The following HDAC4 variants were observed in gnomAD, a reference collection of about 807,000 sequenced individuals.
The protein encoded by HDAC4 is histone deacetylase 4.
A neutral mutation model predicts 135.1 loss-of-function variants in HDAC4; 16 were observed. The ratio of observed to expected loss-of-function variants is 0.12; its 90% CI spans 0.08 to 0.18. HDAC4 has a LOEUF of 0.18. Ranked by LOEUF, HDAC4 falls within the 10% of genes least tolerant of loss-of-function variation. HDAC4 has a pLI of 1.00. For synonymous variants in HDAC4, 685 were observed against 653.4 expected (o/e 1.05, Z -0.74); for missense variants, 1,143 against 1,511.8 (o/e 0.76, Z 4.05).
At chr2:239,159,531 C>T (rs1264604356) in intron 6 of HDAC4, among the ~76,000 whole-genome samples, 2 of 151,386 alleles carry the variant, frequency 1.3e-5, no homozygotes, top group African/African-American at 4.9e-5. Flanking sequence ...CCACCCACAC[C>T]CCACCTCCCA....
At chr2:239,270,357 C>T (rs981490629) in intron 2 of HDAC4, among the ~76,000 whole-genome samples, 6 of 152,086 alleles carry the variant, frequency 3.9e-5, no homozygotes, top group African/African-American at 1.2e-4. Context: ...AGCTGCCCCC[C>T]GATGTATTCA....
intron 5 of HDAC4, among the ~76,000 whole-genome samples, chr2:239,173,638 A>G (rs554737565): frequency 4.6e-4 from 70 of 152,324 alleles, no homozygotes; most frequent in African/African-American, 1.6e-3. Context: ...CCACAATTTG[A>G]TACTATATTG....
At chr2:239,071,172 C>T (rs2034162066) in intron 22 of HDAC4, among the ~76,000 whole-genome samples, 1 of 151,992 alleles carries the variant, frequency 6.6e-6, no homozygotes, top group South Asian at 2.1e-4. Context: ...AATCCCAGCA[C>T]TTTGGGAGGC....
chr2:239,396,904 CTCCCT>C lies in HDAC4; in HGVS notation c.-220+4069_-220+4073del, dbSNP rs1696596489. 2.0e-5 allele frequency among the ~76,000 whole-genome samples: 3 copies of C among 152,252 alleles called. No individual in the cohort carries two copies. The South Asian group carries it at 6.2e-4, about 31-fold the overall frequency. ...GGCTGAAGTGGACTTGGAGCATTAG[CTCCCT>C]TCCGTCACCCCCACCTGCCTCCAGG... is the stretch of plus-strand genomic sequence containing the variant. On this transcript the variant is annotated intron_variant, in intron 1 of 26. Transcript: ENST00000543185.
intron 2 of HDAC4, among the ~76,000 whole-genome samples, chr2:239,329,294 G>A (rs991921513): frequency 1.3e-5 from 2 of 152,374 alleles, no homozygotes; most frequent in African/African-American, 4.8e-5. Context: ...TCCATTATCT[G>A]CTAGTAAAAT....
intron 2 of HDAC4, among the ~76,000 whole-genome samples, chr2:239,343,344 C>T (rs1423416273): frequency 1.3e-5 from 2 of 152,234 alleles, no homozygotes; most frequent in African/African-American, 4.8e-5. Flanking sequence ...TGCCAATCAC[C>T]CAGTCACTCC....
chr2:239,290,517 G>A (rs1472698408), intron 2 of HDAC4, among the ~76,000 whole-genome samples: 2 of 152,238 alleles, frequency 1.3e-5, no homozygotes, highest in African/African-American at 2.4e-5. Flanking sequence ...GAGAGAAAGG[G>A]GATTTAGAGT....
intron 1 of HDAC4, among the ~76,000 whole-genome samples, chr2:239,381,707 G>A (rs73104802): frequency 0.081 from 12,344 of 152,150 alleles, 749 homozygotes; most frequent in African/African-American, 0.17. Context: ...TGACATTTGC[G>A]ACGGACAATT....
chr2:239,393,486 T>C (rs950878404), intron 1 of HDAC4, among the ~76,000 whole-genome samples: 6 of 152,120 alleles, frequency 3.9e-5, no homozygotes, highest in African/African-American at 1.2e-4. Flanking sequence ...CATCACTGGC[T>C]CACGCACTCT....
chr2:239,348,401 C>T (rs62182138), intron 2 of HDAC4, among the ~76,000 whole-genome samples: 20,828 of 152,220 alleles, frequency 0.14, 1,868 homozygotes, highest in Non-Finnish European at 0.21. Context: ...ACTGGAGGGA[C>T]GGGGTAGTGT....
intron 11 of HDAC4, among the ~76,000 whole-genome samples, chr2:239,133,063 C>T (rs1210585713): frequency 2.0e-5 from 3 of 152,120 alleles, no homozygotes; most frequent in Non-Finnish European, 4.4e-5. Context: ...GGCAGGGACA[C>T]GAATTCAAGC....
intron 24 of HDAC4, 114 bp downstream of exon 24, chr2:239,066,608 C>T: frequency 1.4e-6 from 2 of 1,387,216 alleles, no homozygotes; most frequent in Non-Finnish European, 2.0e-6. Flanking sequence ...TGCAAGCATC[C>T]ACGTGGTCAG....
intron 22 of HDAC4, among the ~76,000 whole-genome samples, chr2:239,075,328 T>C (rs1221945039): frequency 6.6e-6 from 1 of 151,178 alleles, no homozygotes; most frequent in African/African-American, 2.4e-5. Flanking sequence ...GGAGAGTATT[T>C]CCATGAGGTC....
chr2:239,325,690 C>T (rs573929364), intron 2 of HDAC4, among the ~76,000 whole-genome samples: 46 of 152,276 alleles, frequency 3.0e-4, no homozygotes, highest in African/African-American at 9.9e-4. Flanking sequence ...CAGGGCTGGG[C>T]GTGGTGGCTC....
At chr2:239,162,629 C>T (rs1191654034) in intron 6 of HDAC4, among the ~76,000 whole-genome samples, 1 of 152,168 alleles carries the variant, frequency 6.6e-6, no homozygotes, top group Non-Finnish European at 1.5e-5. Context: ...GTGCTGCCTC[C>T]CATGGACGCC....
rs369177520 is a variant in HDAC4 at position 239,068,350 on chromosome 2, A to C, written c.2869+139T>G. 1.5e-6 allele frequency: 1 copy of C among 671,724 alleles called. No homozygotes were observed. Among genetic ancestry groups the C allele is most frequent in the South Asian group, 1.7e-5 (1 of 57,616 alleles). 41.6% of individuals were successfully genotyped at this position (671,724 alleles called of 1,614,324 possible). ...GGGCCTCCCAAATGGACTGGTTCCC[A>C]GTACGGTCAGAACCTTGGTCATTAG... On this transcript the variant is annotated intron_variant, in intron 23 of 26. Transcript: ENST00000543185. The surrounding 1 kb of genome is among the most constrained non-coding windows in gnomAD (Gnocchi z 4.4).
intron 3 of HDAC4, among the ~76,000 whole-genome samples, chr2:239,219,971 A>C (rs946308767): frequency 6.6e-6 from 1 of 152,222 alleles, no homozygotes; most frequent in Middle Eastern, 3.2e-3. Context: ...GTGTGCATAC[A>C]GAGGATGGGA....
intron 2 of HDAC4, among the ~76,000 whole-genome samples, chr2:239,338,138 C>T (rs1258296031): frequency 6.6e-6 from 1 of 152,188 alleles, no homozygotes; most frequent in Non-Finnish European, 1.5e-5. Flanking sequence ...AGAGAGACAA[C>T]TCCGCTCCCA....
At chr2:239,227,155 G>A (rs564838568) in intron 3 of HDAC4, among the ~76,000 whole-genome samples, 1 of 152,314 alleles carries the variant, frequency 6.6e-6, no homozygotes, top group African/African-American at 2.4e-5. Flanking sequence ...CACAGGGGCT[G>A]GTGGGACCAG....
Sources: allele counts gnomAD v4.1 joint callset (sites outside exome capture counted in the v4.1 genomes callset), GRCh38; gene constraint gnomAD v4.1.1; non-coding constraint Gnocchi (gnomAD v3.1); transcripts MANE v1.5; gene names NCBI Gene and HGNC (gene_info 2026-07-23, HGNC 2026-07-21).